VIPAS39: variants seen among roughly 807,000 people sequenced by gnomAD.
VIPAS39 encodes VPS33B interacting protein, apical-basolateral polarity regulator, spe-39 homolog.
Under a neutral mutation model 84.7 loss-of-function variants are expected in VIPAS39, and 63 were observed. The observed-to-expected ratio is 0.74, with a 90% CI of 0.61 to 0.92. The LOEUF is 0.92. VIPAS39 is among the 40% of genes least tolerant of loss of function. The probability of loss-of-function intolerance (pLI) is 0.00; values close to 1 mark genes in which losing one functional copy is unlikely to be tolerated. For missense variants in VIPAS39, 499 were observed against 604.5 expected (o/e 0.83, Z 1.83); for synonymous variants, 192 against 216.5 (o/e 0.89, Z 0.99).
intron 14 of VIPAS39, among the ~76,000 whole-genome samples, chr14:77,434,830 C>T (rs1352083978): frequency 4.6e-5 from 7 of 150,990 alleles, no homozygotes; most frequent in African/African-American, 9.8e-5. Flanking sequence ...ACCCAGGAGG[C>T]GGAGGTTACA....
intron 17 of VIPAS39, 63 bp from the exon 18 acceptor site, chr14:77,429,158 G>A: frequency 6.7e-7 from 1 of 1,495,946 alleles, no homozygotes; most frequent in Non-Finnish European, 9.3e-7. Flanking sequence ...GCTCTACAAG[G>A]TAGAAAAGAA....
At position 77,454,076 on chromosome 14, in the gene VIPAS39, C is replaced by T; in HGVS notation, c.27G>A (p.Glu9=). 6.2e-7 allele frequency: 1 copy of T among 1,614,162 alleles called. No individual in the cohort carries two copies. The highest frequency in any genetic ancestry group is 8.5e-7 in the Non-Finnish European group (1 of 1,180,026). ...TGAACTTGGAGCTGTTCCAATACTC[C>T]TCCTCATCACCCTTTGTCCGATTCA... The part of the protein sequence containing the change: MNRTKGDE[E]EYWNSSKFKA... Residue 9 remains glutamate (E), a synonymous_variant, in exon 2 of 20, where the codon GAG becomes GAA. Coordinates refer to ENST00000557658, the MANE Select transcript of VIPAS39 (RefSeq NM_001193315.2).
At chr14:77,440,516 A>T (rs1208230626) in intron 11 of VIPAS39, 1 of 158,702 alleles carries the variant, frequency 6.3e-6, no homozygotes, top group Non-Finnish European at 1.4e-5. Context: ...ACCGAAAAAC[A>T]AATTACAAAT....
chr14:77,449,343 G>T lies in VIPAS39; in HGVS notation c.397C>A (p.Pro133Thr). 6.2e-7 allele frequency: 1 copy of T among 1,614,192 alleles called. No homozygotes were observed. Among genetic ancestry groups the T allele is most frequent in the Non-Finnish European group, 8.5e-7 (1 of 1,180,030 alleles). The change falls in exon 6 of 20, where the codon CCT becomes ACT. Residue 133 changes from proline (P) to threonine (T), a missense_variant. Coordinates refer to ENST00000557658, the MANE Select transcript of VIPAS39 (RefSeq NM_001193315.2). ...AGCTCTGGAGCATAGCTTTTGGCAG[G>T]TGTGTCTGACAGAGCTGAAAAAGAA... ...QSLSDALSDT[P>T]AKSYAPELGR...
intron 7 of VIPAS39, 51 bp from the exon 8 acceptor site, chr14:77,444,392 C>T: frequency 6.6e-7 from 1 of 1,508,438 alleles, no homozygotes; most frequent in Non-Finnish European, 9.2e-7. Context: ...TTTCTTTATT[C>T]CTTTGTTGCT....
intron 7 of VIPAS39, among the ~76,000 whole-genome samples, chr14:77,447,983 G>A (rs1263809094): frequency 4.2e-5 from 5 of 119,954 alleles, no homozygotes; most frequent in Middle Eastern, 7.6e-3. Context: ...TTTTTGAGAC[G>A]GAGTCTCACT....
rs752936456 is a variant in VIPAS39 at position 77,451,295 on chromosome 14, C to A, written c.235G>T (p.Gly79Cys). The part of the protein sequence containing the change: ...WSIRETAGNS[G>C]STHEGREQLK... Reference sequence around the variant, plus strand: ...TGTTCACGCCCCTCGTGGGTTGAGCCGCTATTACCAGCAGTCTCTCTGATG... The same window carrying A: ...TGTTCACGCCCCTCGTGGGTTGAGCAGCTATTACCAGCAGTCTCTCTGATG... Residue 79 changes from glycine to cysteine, a missense_variant, in exon 4 of 20, where the codon GGC becomes TGC. Gly to Cys is a radical substitution (Grantham distance 159, BLOSUM62 -3). Transcript: ENST00000557658. 8.7e-6 allele frequency: 14 copies of A among 1,614,052 alleles called. No homozygotes were observed. The Admixed American group carries it at 1.5e-4, about 17-fold the overall frequency.
intron 12 of VIPAS39, among the ~76,000 whole-genome samples, chr14:77,437,330 G>C (rs2078628588): frequency 6.6e-6 from 1 of 152,164 alleles, no homozygotes; most frequent in Admixed American, 6.6e-5. Context: ...TGTGGAGCTG[G>C]GTTTTGCAAT....
Position 77,433,831 on chromosome 14 carries a change from A to G in VIPAS39, c.1179+11T>C, listed in dbSNP as rs2078562340. Reference sequence around the variant, plus strand: ...CCCAAGGCCTCAGCAGCACAGGGGCAGGGCACACACCTTTGTGGTGAATAG... The same window carrying G: ...CCCAAGGCCTCAGCAGCACAGGGGCGGGGCACACACCTTTGTGGTGAATAG... On this transcript the variant is annotated intron_variant, in intron 16 of 19. Coordinates refer to ENST00000557658, the MANE Select transcript of VIPAS39 (RefSeq NM_001193315.2). 6.2e-7 allele frequency: 1 copy of G among 1,613,644 alleles called. No homozygotes were observed. Among genetic ancestry groups the G allele is most frequent in the African/African-American group, 1.3e-5 (1 of 75,040 alleles).
intron 7 of VIPAS39, among the ~76,000 whole-genome samples, chr14:77,444,927 A>C (rs2078763618): frequency 6.7e-6 from 1 of 149,686 alleles, no homozygotes; most frequent in African/African-American, 2.5e-5. Context: ...ATTTGCATAC[A>C]GTAAAACATA....
chr14:77,454,693 G>A (rs1244015168), intron 1 of VIPAS39, among the ~76,000 whole-genome samples: 3 of 72,416 alleles, frequency 4.1e-5, no homozygotes, highest in African/African-American at 4.2e-5. Context: ...AAAAAAAAAA[G>A]TGTCAGACGT....
chr14:77,452,779 C>CAAA (rs11418833), intron 3 of VIPAS39, among the ~76,000 whole-genome samples: 57 of 106,536 alleles, frequency 5.4e-4, no homozygotes, highest in Non-Finnish European at 7.0e-4. Context: ...GACTCCATCT[C>CAAA]AAAAAAAAAA....
chr14:77,437,678 C>G (rs2078635014), intron 12 of VIPAS39, 130 bp downstream of exon 12: 1 of 951,010 alleles, frequency 1.1e-6, no homozygotes, highest in Non-Finnish European at 1.7e-6. Flanking sequence ...ATGAGGTGAC[C>G]CTGAATGATG....
chr14:77,451,801 C>T (rs898132583), intron 3 of VIPAS39, among the ~76,000 whole-genome samples: 10 of 152,052 alleles, frequency 6.6e-5, no homozygotes, highest in African/African-American at 2.4e-4. Flanking sequence ...ACCATTAGTC[C>T]CCTATAAGAT....
intron 1 of VIPAS39, among the ~76,000 whole-genome samples, chr14:77,455,496 G>A (rs903137170): frequency 2.6e-5 from 4 of 151,952 alleles, no homozygotes; most frequent in Non-Finnish European, 5.9e-5. Flanking sequence ...CTCCAAATAA[G>A]GAAACAGAAT....
Position 77,453,357 on chromosome 14 carries a change from C to G in VIPAS39, c.138G>C (p.Val46=). The G allele has an allele frequency of 6.2e-7, 1 of 1,614,060 alleles. No individual in the cohort carries two copies. The highest frequency in any genetic ancestry group is 8.5e-7 in the Non-Finnish European group (1 of 1,180,008). ...CCAGGTCATCATCGTCATCATCATC[C>G]ACGAAGTCTCGGAGGCTGTTCACCG... ...KRAVNSLRDF[V]DDDDDDDLER... Residue 46 remains valine (V), a synonymous_variant, in exon 3 of 20, where the codon GTG becomes GTC. Coordinates refer to ENST00000557658, the MANE Select transcript of VIPAS39 (RefSeq NM_001193315.2).
intron 18 of VIPAS39, 28 bp downstream of exon 18, chr14:77,428,978 G>A (rs377268125): frequency 7.4e-5 from 118 of 1,597,512 alleles, no homozygotes; most frequent in Non-Finnish European, 6.4e-5. Flanking sequence ...AGGATCTAAC[G>A]GAGGACTCCC....
At chr14:77,429,246 G>A (rs1409079928) in intron 17 of VIPAS39, 151 bp from the exon 18 acceptor site, 24 of 710,480 alleles carry the variant, frequency 3.4e-5, no homozygotes, top group South Asian at 2.4e-4. Context: ...GTTCTGCAAT[G>A]GGAATGAGGT....
chr14:77,444,453 T>A, intron 7 of VIPAS39, 112 bp from the exon 8 acceptor site: 1 of 961,612 alleles, frequency 1.0e-6, no homozygotes. Context: ...AAGGAGAGTC[T>A]CTTTATTTTT....
Sources: gnomAD v4.1 joint callset for allele counts (sites outside exome capture counted in the v4.1 genomes callset) on GRCh38, gnomAD v4.1.1 for gene constraint, MANE v1.5 for transcripts, NCBI Gene and HGNC (gene_info 2026-07-23, HGNC 2026-07-21) for gene names.